Variants in BRINP1 observed in about 807,000 individuals in gnomAD.
BRINP1 encodes the protein BMP/retinoic acid-inducible neural-specific protein 1.
In BRINP1, 17 loss-of-function variants were observed where a neutral mutation model predicts 72.9. That is an observed-to-expected ratio of 0.23 (90% CI 0.16 to 0.35). The LOEUF (loss-of-function observed/expected upper bound fraction) is 0.35, where lower values mean the gene tolerates loss of function less well. BRINP1 is among the 10% of genes least tolerant of loss of function. BRINP1 has a pLI of 1.00. For synonymous variants in BRINP1, 418 were observed against 378.5 expected (o/e 1.10, Z -1.21); for missense variants, 850 against 1,001.6 (o/e 0.85, Z 2.04).
At chr9:119,280,144 A>G (rs1830694646) in intron 2 of BRINP1, among the ~76,000 whole-genome samples, 1 of 152,356 alleles carries the variant, frequency 6.6e-6, no homozygotes, top group South Asian at 2.1e-4. Context: ...CAAGAAGTGC[A>G]GGAAATTCAT....
chr9:119,174,813 T>C (rs1829461158), intron 7 of BRINP1, among the ~76,000 whole-genome samples: 1 of 151,338 alleles, frequency 6.6e-6, no homozygotes, highest in Non-Finnish European at 1.5e-5. Context: ...TCATGTCCTT[T>C]GTAGGGACAT....
intron 4 of BRINP1, 34 bp from the exon 5 acceptor site, chr9:119,238,794 C>G: frequency 7.1e-7 from 1 of 1,414,578 alleles, no homozygotes; most frequent in Non-Finnish European, 9.9e-7. Flanking sequence ...AGGTGTGAGA[C>G]AGCAGTCCTT....
At chr9:119,201,151 T>A (rs1448680461) in intron 7 of BRINP1, among the ~76,000 whole-genome samples, 1 of 152,184 alleles carries the variant, frequency 6.6e-6, no homozygotes, top group Non-Finnish European at 1.5e-5. Context: ...CTGACTGCCA[T>A]GGAACATAGA....
intron 7 of BRINP1, among the ~76,000 whole-genome samples, chr9:119,195,861 G>T (rs902020628): frequency 3.3e-5 from 5 of 152,206 alleles, no homozygotes; most frequent in Admixed American, 1.3e-4. Context: ...CTGTGTCATA[G>T]CTTCTTAATC....
At chr9:119,192,746 G>A (rs909587009) in intron 7 of BRINP1, among the ~76,000 whole-genome samples, 3 of 152,092 alleles carry the variant, frequency 2.0e-5, no homozygotes, top group Admixed American at 1.3e-4. Context: ...CCTCTTCTGG[G>A]TATATTCCCA....
chr9:119,357,519 T>C (rs1831581202), intron 1 of BRINP1, among the ~76,000 whole-genome samples: 1 of 152,212 alleles, frequency 6.6e-6, no homozygotes, highest in Non-Finnish European at 1.5e-5. Context: ...AGGGTGCAGA[T>C]AAGCATGCTA....
intron 2 of BRINP1, among the ~76,000 whole-genome samples, chr9:119,269,096 G>T (rs892378297): frequency 2.0e-5 from 3 of 152,194 alleles, no homozygotes; most frequent in Non-Finnish European, 4.4e-5. Context: ...CAGGCTTCCT[G>T]TTAGAGATAA....
intron 7 of BRINP1, among the ~76,000 whole-genome samples, chr9:119,174,999 G>C (rs536396293): frequency 8.0e-5 from 12 of 150,510 alleles, no homozygotes; most frequent in Non-Finnish European, 1.5e-5. Flanking sequence ...GATAGCATTG[G>C]GAGATATACC....
chr9:119,358,426 G>A (rs572885994), intron 1 of BRINP1, among the ~76,000 whole-genome samples: 3 of 150,358 alleles, frequency 2.0e-5, no homozygotes, highest in Admixed American at 6.6e-5. Flanking sequence ...AGGCATAGTG[G>A]CTCATGCCTG....
intron 2 of BRINP1, among the ~76,000 whole-genome samples, chr9:119,302,513 A>G (rs1254429851): frequency 2.0e-5 from 3 of 152,160 alleles, no homozygotes; most frequent in African/African-American, 7.2e-5. Flanking sequence ...AATCATAAAA[A>G]AAAATCATTG....
intron 1 of BRINP1, among the ~76,000 whole-genome samples, chr9:119,354,444 G>A (rs573599997): frequency 5.9e-5 from 9 of 152,272 alleles, no homozygotes; most frequent in African/African-American, 2.2e-4. Context: ...TCAGATCCAG[G>A]CTCACCTGCT....
intron 7 of BRINP1, among the ~76,000 whole-genome samples, chr9:119,185,732 C>T (rs1024132830): frequency 6.6e-6 from 1 of 152,220 alleles, no homozygotes; most frequent in Admixed American, 6.5e-5. Flanking sequence ...GGTGAGCCCT[C>T]TCCCTGAAGG....
chr9:119,171,917 A>T (rs1829415267), intron 7 of BRINP1, among the ~76,000 whole-genome samples: 1 of 129,536 alleles, frequency 7.7e-6, no homozygotes, highest in Non-Finnish European at 1.6e-5. Context: ...AGAAATAAAG[A>T]TGTTCTTTGA....
chr9:119,201,785 G>C (rs991136664), intron 7 of BRINP1, among the ~76,000 whole-genome samples: 1 of 152,218 alleles, frequency 6.6e-6, no homozygotes, highest in Admixed American at 6.5e-5. Flanking sequence ...GCTGACACGA[G>C]ATTGGAAGAT....
In BRINP1 at chr9:119,271,993, C is replaced by G. The variant is rs186911437; in HGVS notation, c.219-22843G>C. ...TAGGATTATAGGCATAATCTTGTTT[C>G]CCCTTTTAAAAATTTTTTGAAAATA... On this transcript the variant is annotated intron_variant, in intron 2 of 7. Transcript: ENST00000265922. Among the ~76,000 whole-genome samples the G allele has an allele frequency of 6.6e-4, 100 of 151,452 alleles. 1 individual carries two copies. The highest frequency in any genetic ancestry group is 2.4e-3 in the African/African-American group (98 of 41,258).
At chr9:119,272,483 T>C (rs2118952929) in intron 2 of BRINP1, among the ~76,000 whole-genome samples, 1 of 152,216 alleles carries the variant, frequency 6.6e-6, no homozygotes, top group East Asian at 1.9e-4. Context: ...TAAAGCTGAA[T>C]TCATAAGAGC....
chr9:119,257,660 A>T (rs1223271149), intron 2 of BRINP1, among the ~76,000 whole-genome samples: 1 of 152,214 alleles, frequency 6.6e-6, no homozygotes, highest in Non-Finnish European at 1.5e-5. Context: ...TATTGTTAGC[A>T]GCAAATTATC....
chr9:119,299,609 T>A (rs1830919353), intron 2 of BRINP1, among the ~76,000 whole-genome samples: 1 of 144,852 alleles, frequency 6.9e-6, no homozygotes, highest in African/African-American at 2.6e-5. Context: ...CGAGACTCCG[T>A]CTCAAAAAAA....
intron 7 of BRINP1, among the ~76,000 whole-genome samples, chr9:119,169,312 C>G (rs953328139): frequency 2.0e-5 from 3 of 152,224 alleles, no homozygotes; most frequent in Non-Finnish European, 4.4e-5. Flanking sequence ...CATTGCCTCA[C>G]TTGGGAAGTG....
Sources: gnomAD v4.1 joint callset for allele counts (sites outside exome capture counted in the v4.1 genomes callset) on GRCh38, gnomAD v4.1.1 for gene constraint, MANE v1.5 for transcripts, NCBI Gene and HGNC (gene_info 2026-07-23, HGNC 2026-07-21) for gene names.